DLC1: variants seen among roughly 807,000 people sequenced by gnomAD.
The protein encoded by DLC1 is DLC1 Rho GTPase activating protein, also known as rho GTPase-activating protein 7.
DLC1 carries 54 observed loss-of-function variants against 140.3 expected under a neutral mutation model. The ratio of observed to expected loss-of-function variants is 0.38; its 90% CI spans 0.31 to 0.48. The LOEUF is 0.48. Ranked by LOEUF, DLC1 falls within the 20% of genes least tolerant of loss-of-function variation. The probability of loss-of-function intolerance (pLI) is 0.96; values close to 1 mark genes in which losing one functional copy is unlikely to be tolerated. For synonymous variants in DLC1, 986 were observed against 728.1 expected (o/e 1.35, Z -5.70); for missense variants, 2,536 against 1,907.0 (o/e 1.33, Z -6.14).
At position 13,499,324 on chromosome 8, in the gene DLC1, A is replaced by AGGT. The variant is rs1402937885; in HGVS notation, c.745_747dup (p.Thr249dup). On this transcript the variant is annotated inframe_insertion, in exon 2 of 18. Transcript: ENST00000276297. ...AAGAACTCATTTTGTACTACATTGC[A>AGGT]GGTGCTTCTTTCATTTTCATCTTTA... The AGGT allele has an allele frequency of 4.3e-6, 7 of 1,613,920 alleles. No homozygotes were observed. The highest frequency in any genetic ancestry group is 5.9e-6 in the Non-Finnish European group (7 of 1,180,022).
intron 5 of DLC1, chr8:13,276,483 G>A: frequency 1.5e-6 from 2 of 1,331,134 alleles, no homozygotes; most frequent in Admixed American, 8.0e-5. Flanking sequence ...CCGGCCGCAG[G>A]CTGTCGCCTG....
rs187970663 is a variant in DLC1 at position 13,335,573 on chromosome 8, T to C, written c.1315-30271A>G. On this transcript the variant is annotated intron_variant, in intron 4 of 17. Transcript: ENST00000276297. ...CGATTGAAGTTTCTCAAAGCATATA[T>C]GAAACTAACATCCTCATTTTCCTCA... 5.2e-3 allele frequency among the ~76,000 whole-genome samples: 788 copies of C among 152,272 alleles called. 10 individuals are homozygous for C. The highest frequency in any genetic ancestry group is 0.018 in the African/African-American group (755 of 41,566).
intron 10 of DLC1, among the ~76,000 whole-genome samples, chr8:13,097,966 T>C (rs1220897023): frequency 1.3e-5 from 2 of 149,320 alleles, no homozygotes; most frequent in South Asian, 4.3e-4. Flanking sequence ...GGTGGATCTC[T>C]TGAGCCCAGG....
At chr8:13,278,215 A>G (rs946556649) in intron 5 of DLC1, among the ~76,000 whole-genome samples, 1 of 152,260 alleles carries the variant, frequency 6.6e-6, no homozygotes, top group African/African-American at 2.4e-5. Flanking sequence ...CCGTGCCTGC[A>G]CGGGCCAATT....
chr8:13,165,489 C>T (rs889752522), intron 5 of DLC1, among the ~76,000 whole-genome samples: 4 of 152,208 alleles, frequency 2.6e-5, no homozygotes, highest in African/African-American at 9.6e-5. Context: ...CCCAAAGTTG[C>T]AACAGTCACC....
At chr8:13,407,441 G>A (rs147592232) in intron 2 of DLC1, among the ~76,000 whole-genome samples, 54 of 152,252 alleles carry the variant, frequency 3.5e-4, no homozygotes, top group African/African-American at 1.2e-3. Flanking sequence ...CAGTTGGGGA[G>A]GAGGTGCAAA....
chr8:13,145,153 C>T (rs186315236), intron 5 of DLC1, among the ~76,000 whole-genome samples: 5 of 151,778 alleles, frequency 3.3e-5, no homozygotes, highest in Non-Finnish European at 1.5e-5. Flanking sequence ...AAAGTAGTAC[C>T]TATTTAAACT....
At chr8:13,357,801 T>C (rs1835020990) in intron 4 of DLC1, among the ~76,000 whole-genome samples, 1 of 152,224 alleles carries the variant, frequency 6.6e-6, no homozygotes, top group Admixed American at 6.5e-5. Flanking sequence ...ACCTATTTTT[T>C]TCAATGCTGT....
At chr8:13,127,977 A>G (rs1285423256) in intron 5 of DLC1, among the ~76,000 whole-genome samples, 1 of 152,172 alleles carries the variant, frequency 6.6e-6, no homozygotes, top group East Asian at 1.9e-4. Context: ...AAAAGGCACC[A>G]AGTAGAGAAA....
intron 2 of DLC1, among the ~76,000 whole-genome samples, chr8:13,421,795 T>G (rs1838332838): frequency 6.6e-6 from 1 of 152,212 alleles, no homozygotes; most frequent in African/African-American, 2.4e-5. Flanking sequence ...AAACAATGGC[T>G]TCTTCTTTCC....
intron 4 of DLC1, among the ~76,000 whole-genome samples, chr8:13,382,230 G>A (rs1341465045): frequency 3.3e-5 from 5 of 152,112 alleles, no homozygotes; most frequent in East Asian, 3.9e-4. Context: ...AGAGGAGGCC[G>A]GGCGCGGTGG....
intron 4 of DLC1, among the ~76,000 whole-genome samples, chr8:13,315,965 T>A (rs1832846511): frequency 6.6e-6 from 1 of 152,218 alleles, no homozygotes; most frequent in Non-Finnish European, 1.5e-5. Context: ...AGAACGAAGT[T>A]CTTGCTTTAA....
chr8:13,428,102 A>T (rs934995342), intron 2 of DLC1, among the ~76,000 whole-genome samples: 1 of 152,088 alleles, frequency 6.6e-6, no homozygotes, highest in African/African-American at 2.4e-5. Flanking sequence ...GGGAGTCTTA[A>T]TCTCAGTCTT....
At chr8:13,182,678 A>G (rs1240258275) in intron 5 of DLC1, among the ~76,000 whole-genome samples, 2 of 152,166 alleles carry the variant, frequency 1.3e-5, no homozygotes, top group Admixed American at 6.5e-5. Context: ...CCATTGGTCT[A>G]TATCTCTGTT....
intron 5 of DLC1, among the ~76,000 whole-genome samples, chr8:13,161,662 C>T (rs1216218013): frequency 1.3e-5 from 2 of 152,152 alleles, no homozygotes; most frequent in African/African-American, 2.4e-5. Flanking sequence ...GTCCCTGCCC[C>T]TTCTGGTTTG....
rs77309488 is a variant in DLC1, at chr8:13,092,977, T to C, written c.3527-152A>G. 0.021 allele frequency: 18,140 copies of C among 883,570 alleles called. 325 individuals carry two copies. The highest frequency in any genetic ancestry group is 0.078 in the African/African-American group (4,587 of 59,006). The allele number at this position is 883,570 out of a possible 1,614,324, so 54.7% of individuals were successfully genotyped here. Reference sequence around the variant, plus strand: ...GCACTAGAGGTTAATACGGTAAAAGTTATGAATTGCCACCGGCGTCACTAT... The same window carrying C: ...GCACTAGAGGTTAATACGGTAAAAGCTATGAATTGCCACCGGCGTCACTAT... On this transcript the variant is annotated intron_variant, in intron 12 of 17. Coordinates refer to ENST00000276297, the MANE Select transcript of DLC1 (RefSeq NM_182643.3).
At chr8:13,510,396 C>T (rs1012049538) in intron 1 of DLC1, among the ~76,000 whole-genome samples, 5 of 152,014 alleles carry the variant, frequency 3.3e-5, no homozygotes, top group South Asian at 2.1e-4. Context: ...AGGCTGGTCT[C>T]GAATTCTTGA....
intron 2 of DLC1, among the ~76,000 whole-genome samples, chr8:13,496,535 C>T (rs1192561922): frequency 6.6e-6 from 1 of 151,520 alleles, no homozygotes; most frequent in Non-Finnish European, 1.5e-5. Flanking sequence ...ATTATTCAGC[C>T]ATACAGAGAG....
intron 4 of DLC1, among the ~76,000 whole-genome samples, chr8:13,357,331 T>C (rs1425357476): frequency 6.6e-6 from 1 of 152,226 alleles, no homozygotes; most frequent in Non-Finnish European, 1.5e-5. Context: ...GTTTGACACC[T>C]ATGTGTTTCA....
Sources: allele counts gnomAD v4.1 joint callset (sites outside exome capture counted in the v4.1 genomes callset), GRCh38; gene constraint gnomAD v4.1.1; transcripts MANE v1.5; gene names NCBI Gene and HGNC (gene_info 2026-07-23, HGNC 2026-07-21).